Variants in MVB12A observed in about 807,000 individuals in gnomAD.
MVB12A encodes the protein CIN85/CD2AP family binding protein.
In MVB12A, 30 loss-of-function variants were observed where a neutral mutation model predicts 34.3. The ratio of observed to expected loss-of-function variants is 0.88; its 90% CI spans 0.65 to 1.19. The LOEUF (loss-of-function observed/expected upper bound fraction) is 1.19, where lower values mean the gene tolerates loss of function less well. Ranked by LOEUF, MVB12A falls within the 50% of genes most tolerant of loss-of-function variation. MVB12A has a pLI of 0.00. For missense variants in MVB12A, 355 were observed against 369.2 expected (o/e 0.96, Z 0.31); for synonymous variants, 158 against 158.9 (o/e 0.99, Z 0.04).
At chr19:17,418,295 T>G, upstream of MVB12A, 1 of 193,572 alleles carries the variant, frequency 5.2e-6, no homozygotes, top group South Asian at 1.1e-4. Flanking sequence ...CCATCCTGAC[T>G]GTATTGTTTG....
Position 17,423,540 on chromosome 19 carries a change from C to G in MVB12A, c.456C>G (p.Ala152=). 6.2e-7 allele frequency: 1 copy of G among 1,613,780 alleles called. No individual in the cohort carries two copies. Among genetic ancestry groups the G allele is most frequent in the Admixed American group, 1.7e-5 (1 of 60,000 alleles). Residue 152 remains alanine (A), a synonymous_variant, in exon 5 of 9, where the codon GCC becomes GCG. Transcript: ENST00000317040. ...GFAIWCKKAK[A]PRPVPKPRGL... ...CCATCTGGTGCAAGAAGGCCAAGGC[C>G]CCGAGGCCAGTGCCCAAGCCCCGAG...
At chr19:17,411,653 G>A (rs2074770051) in intron 2 of MVB12A, among the ~76,000 whole-genome samples, 2 of 151,418 alleles carry the variant, frequency 1.3e-5, no homozygotes, top group East Asian at 1.9e-4. Flanking sequence ...CCACCATCAC[G>A]CCCAGCTAAG....
intron 2 of MVB12A, among the ~76,000 whole-genome samples, chr19:17,410,529 T>TATATACACACACACACACACACACACAC: frequency 6.5e-4 from 48 of 74,356 alleles, no homozygotes; most frequent in East Asian, 1.9e-3. Flanking sequence ...TATATATATA[T>TATATACACACACACACACACACACACAC]ACACACACAC....
upstream of MVB12A, chr19:17,417,024 CTCT>C (rs1484967433): frequency 3.2e-5 from 12 of 371,684 alleles, no homozygotes; most frequent in East Asian, 3.8e-4. Context: ...TGTCCTCCTC[CTCT>C]TCTTTCTTCA....
At chr19:17,423,905 T>C in intron 6 of MVB12A, 101 bp from the exon 7 acceptor site, 1 of 1,571,084 alleles carries the variant, frequency 6.4e-7, no homozygotes, top group Non-Finnish European at 8.8e-7. Flanking sequence ...AACTCTGGAT[T>C]CTGTAAAGAC....
chr19:17,406,107 C>G (rs1412800269), exon 2 of MVB12A: 5 of 152,590 alleles, frequency 3.3e-5, no homozygotes, highest in African/African-American at 1.2e-4. Flanking sequence ...AGGGCTTCAT[C>G]CAGTGCCTCT....
At chr19:17,424,476 C>T in intron 7 of MVB12A, 145 bp from the exon 8 acceptor site, 1 of 912,020 alleles carries the variant, frequency 1.1e-6, no homozygotes, top group African/African-American at 1.7e-5. Flanking sequence ...AAAAACAAAA[C>T]AAAACAAACA....
At chr19:17,408,829 C>CTTTTT (rs60162893) in intron 2 of MVB12A, among the ~76,000 whole-genome samples, 6 of 120,708 alleles carry the variant, frequency 5.0e-5, no homozygotes, top group South Asian at 2.5e-4. Context: ...TCTGCCATTA[C>CTTTTT]TTTTTTTTTT....
intron 4 of MVB12A, among the ~76,000 whole-genome samples, chr19:17,423,191 TAAAAAAAAAAA>T (rs895549170): frequency 2.8e-5 from 3 of 106,676 alleles, no homozygotes; most frequent in Non-Finnish European, 3.9e-5. Context: ...CGTTTCTACT[TAAAAAAAAAAA>T]AAAAAAAAAA....
chr19:17,418,183 C>G (rs1196107520), upstream of MVB12A: 2 of 154,040 alleles, frequency 1.3e-5, no homozygotes, highest in Admixed American at 6.5e-5. Flanking sequence ...GCGTGAGTCA[C>G]TGTGCCAGGC....
At chr19:17,423,980 C>G (rs1286649973) in intron 6 of MVB12A, 26 bp from the exon 7 acceptor site, 2 of 1,613,420 alleles carry the variant, frequency 1.2e-6, no homozygotes, top group Non-Finnish European at 1.7e-6. Context: ...TACACCTCAC[C>G]TCCTCCCCTC....
chr19:17,410,496 T>TTATATATGTGTATA (rs1568387298), intron 2 of MVB12A, among the ~76,000 whole-genome samples: 526 of 31,320 alleles, frequency 0.017, 18 homozygotes, highest in Admixed American at 0.02. Context: ...GGTTTTAGCT[T>TTATATATGTGTATA]CATATATATA....
In MVB12A at chr19:17,423,732, C is replaced by G. The variant is rs2074852837; in HGVS notation, c.573C>G (p.Gly191=). 1 of 1,613,994 alleles carries G rather than the reference C, an allele frequency of 6.2e-7. No individual in the cohort carries two copies. The highest frequency in any genetic ancestry group is 1.7e-5 in the Admixed American group (1 of 60,024). Residue 191 remains glycine, a synonymous_variant, in exon 6 of 9, where the codon GGC becomes GGG. Coordinates refer to ENST00000317040, the MANE Select transcript of MVB12A (RefSeq NM_138401.4). ...TGGAGCGGACAGCGTCAAGGCTGGG[C>G]TCTCGGGCATCCACTCTGCGGAGGA... ...GLLERTASRL[G]SRASTLRRND...
upstream of MVB12A, chr19:17,417,414 T>C (rs1308317978): frequency 6.5e-6 from 1 of 152,966 alleles, no homozygotes; most frequent in African/African-American, 2.4e-5. Context: ...GAGGCCAGCT[T>C]GGCCAACATG....
At chr19:17,420,026 C>CCCA, upstream of MVB12A, 1 of 514,014 alleles carries the variant, frequency 1.9e-6, no homozygotes, top group East Asian at 4.4e-5. Context: ...CCCCCCCCCC[C>CCCA]CGCATGGCCT....
At chr19:17,424,781 A>G in intron 8 of MVB12A, 104 bp downstream of exon 8, 1 of 1,458,764 alleles carries the variant, frequency 6.9e-7, no homozygotes, top group Non-Finnish European at 9.3e-7. Context: ...AGTTTTCCCC[A>G]TCCCCGCTTT....
At chr19:17,410,048 C>T (rs1334219689) in intron 2 of MVB12A, among the ~76,000 whole-genome samples, 2 of 152,080 alleles carry the variant, frequency 1.3e-5, no homozygotes, top group African/African-American at 2.4e-5. Flanking sequence ...TGAGCCACCA[C>T]GCCCGGCCTT....
chr19:17,420,264 C>G, intron 1 of MVB12A, 39 bp downstream of exon 1: 2 of 1,537,788 alleles, frequency 1.3e-6, no homozygotes, highest in Non-Finnish European at 8.7e-7. Flanking sequence ...ATGGGGGAGG[C>G]AGTCGCTGTG....
At chr19:17,417,747 C>A, upstream of MVB12A, 1 of 194,464 alleles carries the variant, frequency 5.1e-6, no homozygotes. Context: ...CTCTATAATC[C>A]TTCATTTCCC....
Sources: allele counts gnomAD v4.1 joint callset (sites outside exome capture counted in the v4.1 genomes callset), GRCh38; gene constraint gnomAD v4.1.1; transcripts MANE v1.5; gene names NCBI Gene and HGNC (gene_info 2026-07-23, HGNC 2026-07-21).